The following ECEL1 variants were observed in gnomAD, a reference collection of about 807,000 sequenced individuals.
The protein encoded by ECEL1 is endothelin-converting enzyme-like 1.
Under a neutral mutation model 101.8 loss-of-function variants are expected in ECEL1, and 87 were observed. That is an observed-to-expected ratio of 0.85 (90% CI 0.72 to 1.02). The LOEUF (loss-of-function observed/expected upper bound fraction) is 1.02. Ranked by LOEUF, ECEL1 falls within the 50% of genes least tolerant of loss-of-function variation. ECEL1 has a pLI of 0.00. For synonymous variants in ECEL1, 487 were observed against 468.7 expected (o/e 1.04, Z -0.50); for missense variants, 1,032 against 1,079.2 (o/e 0.96, Z 0.61).
intron 13 of ECEL1, 35 bp from the exon 14 acceptor site, chr2:232,481,665 A>G: frequency 6.2e-7 from 1 of 1,605,578 alleles, no homozygotes; most frequent in Non-Finnish European, 8.5e-7. Context: ...ACCCACCCTC[A>G]CCTGAGCCCC....
In ECEL1 at chr2:232,482,626, G is replaced by A. The variant is rs771249257; in HGVS notation, c.1686-18C>T. 6.2e-7 allele frequency: 1 copy of A among 1,602,844 alleles called. No homozygotes were observed. Among genetic ancestry groups the A allele is most frequent in the South Asian group, 1.1e-5 (1 of 90,022 alleles). ...GCAGCCACCTGTGGAGGGATGCTGGGGTGAATGGGGGGAACACACTCCCTC... is the reference window on the plus strand; with the variant it reads ...GCAGCCACCTGTGGAGGGATGCTGGAGTGAATGGGGGGAACACACTCCCTC... On this transcript the variant is annotated intron_variant, in intron 10 of 17. Coordinates refer to ENST00000304546, the MANE Select transcript of ECEL1 (RefSeq NM_004826.4).
chr2:232,486,675 C>A lies in ECEL1; in HGVS notation c.-22G>T. On this transcript the variant is annotated 5_prime_UTR_variant, in exon 2 of 18. Transcript: ENST00000304546. The stretch of plus-strand genomic sequence containing the variant: ...CCATGGCGCCGAGGCCGCCGCGGTG[C>A]AGACCTGGGCCACCTGGGCTACGGG... The A allele has an allele frequency of 6.7e-7, 1 of 1,488,470 alleles. No individual in the cohort carries two copies. The highest frequency in any genetic ancestry group is 1.3e-5 in the South Asian group (1 of 76,938). The allele number at this position is 1,488,470 out of a possible 1,614,324, so 92.2% of individuals were successfully genotyped here.
chr2:232,487,587 CAGCCGCAGCCGCAGCCGG>C (rs1690765663), intron 1 of ECEL1, 114 bp downstream of exon 1: 2 of 153,190 alleles, frequency 1.3e-5, no homozygotes, highest in East Asian at 1.9e-4. Flanking sequence ...CCGGGAGCCG[CAGCCGCAGCCGCAGCCGG>C]AGCCGCAGCC....
intron 17 of ECEL1, 46 bp downstream of exon 17, chr2:232,480,353 C>G: frequency 6.2e-7 from 1 of 1,611,850 alleles, no homozygotes; most frequent in Non-Finnish European, 8.5e-7. Flanking sequence ...CTGATCCCAC[C>G]CCAAACACAA....
In ECEL1 at chr2:232,484,800, C is replaced by T. The variant is rs1361564818; in HGVS notation, c.1059+1G>A. 1.4e-5 allele frequency: 23 copies of T among 1,613,752 alleles called. No homozygotes were observed. Among genetic ancestry groups the T allele is most frequent in the South Asian group, 3.3e-5 (3 of 91,088 alleles). On this transcript the variant is annotated splice_donor_variant, in intron 5 of 17. Coordinates refer to ENST00000304546, the MANE Select transcript of ECEL1 (RefSeq NM_004826.4). LOFTEE classifies it high-confidence loss of function. ...GCCCACGAGGACTGGGCCACACTCA[C>T]GTGGGGGGTGATCTTCTGCAGCTGC...
At chr2:232,487,316 T>C (rs1317640701) in intron 1 of ECEL1, among the ~76,000 whole-genome samples, 2 of 151,908 alleles carry the variant, frequency 1.3e-5, no homozygotes, top group Non-Finnish European at 2.9e-5. Context: ...CACTCGCCCC[T>C]TCCCTAGGGG....
At position 232,486,070 on chromosome 2, in the gene ECEL1, C is replaced by G; in HGVS notation, c.584G>C (p.Arg195Pro). ...RSCLDMREIE[R>P]LGPRPMLEVI... ...CTCTAGCATGGGTCGCGGGCCCAGTCGCTCGATCTCGCGCATGTCGAGGCA... is the reference window on the plus strand; with the variant it reads ...CTCTAGCATGGGTCGCGGGCCCAGTGGCTCGATCTCGCGCATGTCGAGGCA... Residue 195 changes from arginine (R) to proline (P), a missense_variant, in exon 2 of 18, where the codon CGA becomes CCA. Transcript: ENST00000304546. 1.2e-6 allele frequency: 2 copies of G among 1,604,086 alleles called. No homozygotes were observed. The highest frequency in any genetic ancestry group is 1.7e-6 in the Non-Finnish European group (2 of 1,176,454).
In ECEL1 at chr2:232,480,489, C is replaced by A. The variant is rs375886726; in HGVS notation, c.2152-14G>T. The A allele has an allele frequency of 4.3e-5, 70 of 1,613,464 alleles. No homozygotes were observed. Among genetic ancestry groups the A allele is most frequent in the Non-Finnish European group, 5.8e-5 (69 of 1,179,852 alleles). ...GATGCACCAGTTCTGGGTCCAGGAG[C>A]GGGGTGGAGGGGAGGAGGGGGAGAT... On this transcript the variant is annotated splice_polypyrimidine_tract_variant and intron_variant, in intron 16 of 17. Coordinates refer to ENST00000304546, the MANE Select transcript of ECEL1 (RefSeq NM_004826.4).
rs767972825 is a variant in ECEL1 at position 232,480,092 on chromosome 2, G to T, written c.*61C>A. ...CTGGCACCGGGTGCATGCCTGCCCCGGTAGCCAGCAGGAGGTGATTCGTGC... is the reference window on the plus strand; with the variant it reads ...CTGGCACCGGGTGCATGCCTGCCCCTGTAGCCAGCAGGAGGTGATTCGTGC... On this transcript the variant is annotated 3_prime_UTR_variant, in exon 18 of 18. Transcript: ENST00000304546. 5.2e-5 allele frequency: 78 copies of T among 1,506,546 alleles called. No homozygotes were observed. The highest frequency in any genetic ancestry group is 6.6e-5 in the Non-Finnish European group (72 of 1,096,394). 93.3% of individuals were successfully genotyped at this position (1,506,546 alleles called of 1,614,324 possible). A position where few individuals can be genotyped will look rare whatever the true frequency, so the allele number is the denominator to read the frequency against.
At chr2:232,480,355 C>G (rs1359536654) in intron 17 of ECEL1, 44 bp downstream of exon 17, 1 of 1,612,760 alleles carries the variant, frequency 6.2e-7, no homozygotes, top group Admixed American at 1.7e-5. Context: ...GATCCCACCC[C>G]AAACACAAGG....
chr2:232,483,156 G>T lies in ECEL1; in HGVS notation c.1530C>A (p.Val510=). The T allele has an allele frequency of 6.2e-7, 1 of 1,607,464 alleles. No homozygotes were observed. The highest frequency in any genetic ancestry group is 1.1e-5 in the South Asian group (1 of 90,074). ...RAKLQYMMVM[V]GYPDFLLKPD... is the part of the protein sequence containing the mutation. ...GTTTCAGCAGGAAGTCCGGGTAGCC[G>T]ACCATCACCATCATGTACTGGAGCT... The change falls in exon 9 of 18, where the codon GTC becomes GTA. Residue 510 remains valine, a synonymous_variant. Coordinates refer to ENST00000304546, the MANE Select transcript of ECEL1 (RefSeq NM_004826.4).
Position 232,481,614 on chromosome 2 carries a change from G to A in ECEL1, c.1881C>T (p.Arg627=). The A allele has an allele frequency of 1.2e-6, 2 of 1,613,762 alleles. No individual in the cohort carries two copies. Among genetic ancestry groups the A allele is most frequent in the East Asian group, 2.2e-5 (1 of 44,886 alleles). The change falls in exon 14 of 18, where the codon CGC becomes CGT. Residue 627 remains arginine (R), a synonymous_variant. Transcript: ENST00000304546. ...TCCACCAGTGCAGCAGGTTCCCTGA[G>A]CGGTCATACTGGCCCCCTGTGGGCA... ...GYDDWGGQYD[R]SGNLLHWWTE...
chr2:232,481,274 G>C, intron 14 of ECEL1, 118 bp from the exon 15 acceptor site: 1 of 1,381,900 alleles, frequency 7.2e-7, no homozygotes, highest in Non-Finnish European at 9.8e-7. Context: ...CTTGCCCAGA[G>C]AGTTTGAGGG....
Position 232,480,055 on chromosome 2 carries a change from C to A in ECEL1, c.*98G>T, listed in dbSNP as rs1330440858. 9.0e-6 allele frequency: 11 copies of A among 1,226,600 alleles called. No homozygotes were observed. The Admixed American group carries it at 1.6e-4, about 18-fold the overall frequency. 76.0% of individuals were successfully genotyped at this position (1,226,600 alleles called of 1,614,324 possible). A position where few individuals can be genotyped will look rare whatever the true frequency, so the allele number is the denominator to read the frequency against. On this transcript the variant is annotated 3_prime_UTR_variant, in exon 18 of 18. Coordinates refer to ENST00000304546, the MANE Select transcript of ECEL1 (RefSeq NM_004826.4). ...TGGAGGGGCTGGAAGGCAGGTGGTG[C>A]CCAGAGCGGGGCTGGCACCGGGTGC...
At chr2:232,480,689 C>T (rs773055708) in intron 16 of ECEL1, 29 bp downstream of exon 16, 2 of 1,610,784 alleles carry the variant, frequency 1.2e-6, no homozygotes, top group South Asian at 2.2e-5. Flanking sequence ...CACCCCAAGG[C>T]TCCCAGTCCA....
rs780953121 is a variant in ECEL1 at position 232,486,354 on chromosome 2, A to T, written c.300T>A (p.Pro100=). The part of the protein sequence containing the change: ...AGGGACPEGC[P]ERKAFARAAR... ...CGGCGCGCGCGAAGGCCTTGCGCTC[A>T]GGGCAGCCCTCGGGACAGGCGCCGC... Residue 100 remains proline (P), a synonymous_variant, in exon 2 of 18, where the codon CCT becomes CCA. Transcript: ENST00000304546. 1 of 1,531,360 alleles carries T rather than the reference A, an allele frequency of 6.5e-7. No individual in the cohort carries two copies. The highest frequency in any genetic ancestry group is 1.2e-5 in the South Asian group (1 of 83,724). 94.9% of individuals were successfully genotyped at this position (1,531,360 alleles called of 1,614,324 possible). A position where few individuals can be genotyped will look rare whatever the true frequency, so the allele number is the denominator to read the frequency against.
chr2:232,482,344 A>T (rs1690601271), intron 12 of ECEL1, 74 bp downstream of exon 12: 4 of 1,604,230 alleles, frequency 2.5e-6, no homozygotes, highest in Non-Finnish European at 3.4e-6. Flanking sequence ...CAGTACGCCG[A>T]CACACACCTG....
At chr2:232,481,749 C>A in intron 13 of ECEL1, 33 bp downstream of exon 13, 1 of 1,613,410 alleles carries the variant, frequency 6.2e-7, no homozygotes, top group East Asian at 2.2e-5. Flanking sequence ...CTGCCCCCTC[C>A]GGGCCATCCC....
rs975312681 is a variant in ECEL1 at position 232,482,453 on chromosome 2, G to A, written c.1761C>T (p.Ile587=). The A allele has an allele frequency of 6.2e-7, 1 of 1,614,042 alleles. No homozygotes were observed. The highest frequency in any genetic ancestry group is 2.2e-5 in the East Asian group (1 of 44,872). ...NKNQMVFPAG[I]LQPTLYDPDF... ...CAGGGTCGTACAGGGTGGGCTGCAG[G>A]ATGCCCGCGGGGAACACTACAAGAA... Residue 587 remains isoleucine, a synonymous_variant, in exon 12 of 18, where the codon ATC becomes ATT. Coordinates refer to ENST00000304546, the MANE Select transcript of ECEL1 (RefSeq NM_004826.4).
Sources: gnomAD v4.1 joint callset for allele counts (sites outside exome capture counted in the v4.1 genomes callset) on GRCh38, gnomAD v4.1.1 for gene constraint, MANE v1.5 for transcripts, NCBI Gene and HGNC (gene_info 2026-07-23, HGNC 2026-07-21) for gene names.